LILRB4: variants seen among roughly 807,000 people sequenced by gnomAD.
LILRB4 encodes leukocyte immunoglobulin like receptor B4, also known as leukocyte immunoglobulin-like receptor subfamily B member 4.
LILRB4 carries 49 observed loss-of-function variants against 55.2 expected under a neutral mutation model. That is an observed-to-expected ratio of 0.89 (90% CI 0.71 to 1.13). The LOEUF (loss-of-function observed/expected upper bound fraction) is 1.13, where lower values mean the gene tolerates loss of function less well. Among genes scored for constraint, LILRB4 ranks in the 50% most tolerant of loss-of-function variants. The pLI is 0.00. For missense variants in LILRB4, 590 were observed against 555.2 expected, an observed-to-expected ratio of 1.06 and a Z score of -0.63; for synonymous variants, 229 against 213.8, an observed-to-expected ratio of 1.07 and a Z score of -0.62.
Position 54,666,616 on chromosome 19 carries a change from G to A in LILRB4, c.989-81G>A. 6.6e-7 allele frequency: 1 copy of A among 1,513,918 alleles called. No homozygotes were observed. The highest frequency in any genetic ancestry group is 9.1e-7 in the Non-Finnish European group (1 of 1,098,232). 93.8% of individuals were successfully genotyped at this position (1,513,918 alleles called of 1,614,324 possible). ...CTCCCTGCGTTGCAGTGGCACTAAT[G>A]GGAACAGGGCAGGGACCAGCAGGAA... On this transcript the variant is annotated intron_variant, in intron 9 of 11. Transcript: ENST00000430952. This position sits in a 1 kb window ranked among gnomAD's most constrained non-coding sequence, Gnocchi z 4.8.
rs2065219750 is a variant in LILRB4, at chr19:54,665,371, T to C, written c.757+191T>C. The stretch of plus-strand genomic sequence containing the variant: ...GTTCCTTTCAGCTCTGACTCCCAGC[T>C]GTGCCCTCCTGGGAGAGGAGGCCTC... On this transcript the variant is annotated intron_variant, in intron 6 of 11. Coordinates refer to ENST00000430952, the Ensembl canonical transcript of LILRB4. This position sits in a 1 kb window ranked among gnomAD's most constrained non-coding sequence, Gnocchi z 5.5. Among the ~76,000 whole-genome samples the C allele has an allele frequency of 6.6e-6, 1 of 152,068 alleles. No individual in the cohort carries two copies. Among genetic ancestry groups the C allele is most frequent in the African/African-American group, 2.4e-5 (1 of 41,394 alleles).
In LILRB4 at chr19:54,666,094, T is replaced by C; in HGVS notation, c.875-146T>C. 1 of 1,220,990 alleles carries C rather than the reference T, an allele frequency of 8.2e-7. No individual in the cohort carries two copies. The highest frequency in any genetic ancestry group is 1.2e-6 in the Non-Finnish European group (1 of 867,284). 75.6% of individuals were successfully genotyped at this position (1,220,990 alleles called of 1,614,324 possible). A position where few individuals can be genotyped will look rare whatever the true frequency, so the allele number is the denominator to read the frequency against. On this transcript the variant is annotated intron_variant, in intron 7 of 11. Transcript: ENST00000430952. This position sits in a 1 kb window ranked among gnomAD's most constrained non-coding sequence, Gnocchi z 4.8. ...ATGAATGAGGGAGTAATGGAAGTGCTTTATTCTTTCGGTTTTTCTAAACTT... is the reference window on the plus strand; with the variant it reads ...ATGAATGAGGGAGTAATGGAAGTGCCTTATTCTTTCGGTTTTTCTAAACTT...
At position 54,663,072 on chromosome 19, in the gene LILRB4, G is replaced by A. The variant is rs777134060; in HGVS notation, c.34+5G>A. The A allele has an allele frequency of 8.1e-6, 13 of 1,611,926 alleles. No homozygotes were observed. The East Asian group carries it at 2.9e-4, about 36-fold the overall frequency. Reference sequence around the variant, plus strand: ...TCACGGCTCTGCTCTGCCTCGGTGAGATTTAAAGAGGGGGAGGGGAGACCC... The same window carrying A: ...TCACGGCTCTGCTCTGCCTCGGTGAAATTTAAAGAGGGGGAGGGGAGACCC... On this transcript the variant is annotated splice_donor_5th_base_variant and intron_variant, in intron 1 of 11. Transcript: ENST00000430952.
Position 54,666,519 on chromosome 19 carries a change from C to A in LILRB4, c.988+83C>A. Reference sequence around the variant, plus strand: ...ATAGCAATGGGGGCAGGAGCACAGGCTAGGATTGGTCAGGGACTCAGGGAG... The same window carrying A: ...ATAGCAATGGGGGCAGGAGCACAGGATAGGATTGGTCAGGGACTCAGGGAG... On this transcript the variant is annotated intron_variant, in intron 9 of 11. Coordinates refer to ENST00000430952, the Ensembl canonical transcript of LILRB4. The surrounding 1 kb of genome is among the most constrained non-coding windows in gnomAD (Gnocchi z 4.8). 1 of 1,541,672 alleles carries A rather than the reference C, an allele frequency of 6.5e-7. No individual in the cohort carries two copies. The highest frequency in any genetic ancestry group is 8.9e-7 in the Non-Finnish European group (1 of 1,121,778).
chr19:54,663,479 G>C lies in LILRB4; in HGVS notation c.35-53G>C. Reference sequence around the variant, plus strand: ...AAAAAAAAAAATCTCAGGGTAAAGAGAGGACCTGCTCAGGCTTCCGGGGCA... The same window carrying C: ...AAAAAAAAAAATCTCAGGGTAAAGACAGGACCTGCTCAGGCTTCCGGGGCA... On this transcript the variant is annotated intron_variant, in intron 1 of 11. Coordinates refer to ENST00000430952, the Ensembl canonical transcript of LILRB4. 6.8e-6 allele frequency: 9 copies of C among 1,333,280 alleles called. No homozygotes were observed. In the South Asian group the frequency reaches 1.1e-4, roughly 16 times the overall value. The allele number at this position is 1,333,280 out of a possible 1,614,324, so 82.6% of individuals were successfully genotyped here. A position where few individuals can be genotyped will look rare whatever the true frequency, so the allele number is the denominator to read the frequency against.
At position 54,666,256 on chromosome 19, in the gene LILRB4, T is replaced by A; in HGVS notation, c.891T>A (p.Asp297Glu). ...TTCCCCCAGCCCAGAGACAGGCTGA[T>A]TTCCAACGTCCTCCAGGGGCTGCCG... Residue 297 changes from aspartate to glutamate, a missense_variant, in exon 8 of 12, where the codon GAT becomes GAA. Coordinates refer to ENST00000430952, the Ensembl canonical transcript of LILRB4. The surrounding 1 kb of genome is among the most constrained non-coding windows in gnomAD (Gnocchi z 4.8). The A allele has an allele frequency of 6.2e-7, 1 of 1,605,228 alleles. No individual in the cohort carries two copies. The highest frequency in any genetic ancestry group is 1.3e-5 in the African/African-American group (1 of 74,790).
Position 54,666,539 on chromosome 19 carries a change from A to C in LILRB4, c.988+103A>C. ...ACAGGCTAGGATTGGTCAGGGACTCAGGGAGAAGTGGTCTGAACCCACATT... is the reference window on the plus strand; with the variant it reads ...ACAGGCTAGGATTGGTCAGGGACTCCGGGAGAAGTGGTCTGAACCCACATT... On this transcript the variant is annotated intron_variant, in intron 9 of 11. Transcript: ENST00000430952. The surrounding 1 kb of genome is among the most constrained non-coding windows in gnomAD (Gnocchi z 4.8). 1 of 1,491,620 alleles carries C rather than the reference A, an allele frequency of 6.7e-7. No homozygotes were observed. Among genetic ancestry groups the C allele is most frequent in the Non-Finnish European group, 9.2e-7 (1 of 1,081,358 alleles). The allele number at this position is 1,491,620 out of a possible 1,614,324, so 92.4% of individuals were successfully genotyped here. A position where few individuals can be genotyped will look rare whatever the true frequency, so the allele number is the denominator to read the frequency against.
chr19:54,666,928 T>G lies in LILRB4; in HGVS notation c.1041+179T>G. The stretch of plus-strand genomic sequence containing the variant: ...TCTCTCCTGCTGTCCTGGGACCTCA[T>G]GGGCCTCCTCCCGGGTCCCCTTCCT... On this transcript the variant is annotated intron_variant, in intron 10 of 11. Coordinates refer to ENST00000430952, the Ensembl canonical transcript of LILRB4. The surrounding 1 kb of genome is among the most constrained non-coding windows in gnomAD (Gnocchi z 4.8). 1 of 768,148 alleles carries G rather than the reference T, an allele frequency of 1.3e-6. No individual in the cohort carries two copies. Among genetic ancestry groups the G allele is most frequent in the Admixed American group, 1.9e-5 (1 of 53,304 alleles). The allele number at this position is 768,148 out of a possible 1,614,324, so 47.6% of individuals were successfully genotyped here. A position where few individuals can be genotyped will look rare whatever the true frequency, so the allele number is the denominator to read the frequency against.
At chr19:54,664,095 C>A in intron 3 of LILRB4, 57 bp downstream of exon 3, 3 of 1,601,844 alleles carry the variant, frequency 1.9e-6, no homozygotes. Context: ...AGGGGGTCAG[C>A]TCTCAGGGGC....
chr19:54,665,903 C>T lies in LILRB4; in HGVS notation c.846C>T (p.His282=). 6.2e-7 allele frequency: 1 copy of T among 1,613,958 alleles called. No individual in the cohort carries two copies. The highest frequency in any genetic ancestry group is 8.5e-7 in the Non-Finnish European group (1 of 1,179,982). ...TCCTCCTCTTCCTCCTCCTCCAACA[C>T]TGGCGTCAGGGAAAACACAGGACAT... is the stretch of plus-strand genomic sequence containing the variant. The change falls in exon 7 of 12, where the codon CAC becomes CAT. Residue 282 remains histidine (H), a synonymous_variant. Coordinates refer to ENST00000430952, the Ensembl canonical transcript of LILRB4. The surrounding 1 kb of genome is among the most constrained non-coding windows in gnomAD (Gnocchi z 5.5).
Position 54,665,944 on chromosome 19 carries a change from T to A in LILRB4, c.874+13T>A. On this transcript the variant is annotated intron_variant, in intron 7 of 11. Coordinates refer to ENST00000430952, the Ensembl canonical transcript of LILRB4. This position sits in a 1 kb window ranked among gnomAD's most constrained non-coding sequence, Gnocchi z 5.5. ...CACAGGACATTGGGTAAGTAGGAAA[T>A]TGGGGGACCCGTGGGCTGATGGAGG... 6.2e-7 allele frequency: 1 copy of A among 1,613,588 alleles called. No individual in the cohort carries two copies.
intron 1 of LILRB4, 81 bp from the exon 2 acceptor site, chr19:54,663,443 CAAAAAAAA>C (rs61542200): frequency 2.4e-5 from 23 of 955,078 alleles, no homozygotes; most frequent in Middle Eastern, 3.7e-4. Context: ...GACTCCGTCT[CAAAAAAAA>C]AAAAAAAAAA....
chr19:54,663,584 C>T lies in LILRB4; in HGVS notation c.70+17C>T, dbSNP rs1422536930. On this transcript the variant is annotated intron_variant, in intron 2 of 11. Transcript: ENST00000430952. Reference sequence around the variant, plus strand: ...TGCAGGCAGGTGAGTCTGTCCCCAGCTGTCCCAGGTCCCTCCTCCTCACTG... The same window carrying T: ...TGCAGGCAGGTGAGTCTGTCCCCAGTTGTCCCAGGTCCCTCCTCCTCACTG... 6.2e-7 allele frequency: 1 copy of T among 1,613,262 alleles called. No individual in the cohort carries two copies. The highest frequency in any genetic ancestry group is 8.5e-7 in the Non-Finnish European group (1 of 1,179,990).
chr19:54,664,873 A>G, intron 5 of LILRB4, 24 bp downstream of exon 5: 1 of 1,608,552 alleles, frequency 6.2e-7, no homozygotes, highest in Non-Finnish European at 8.5e-7. Flanking sequence ...GCCTCTGTCC[A>G]GAGAGTTTCC....
exon 4 of LILRB4, chr19:54,664,427 C>A (rs758110982): frequency 1.2e-6 from 2 of 1,613,620 alleles, no homozygotes; most frequent in Non-Finnish European, 1.7e-6. Context: ...TCAGCTCACA[C>A]GGCTTCTCCC....
Position 54,666,239 on chromosome 19 carries a change from G to GC in LILRB4, c.877dup (p.Gln293ProfsTer5). ...CTGAGACTCTGTCCATCTTCCCCCAGCCCAGAGACAGGCTGATTTCCAACG... is the reference window on the plus strand; with the variant it reads ...CTGAGACTCTGTCCATCTTCCCCCAGCCCCAGAGACAGGCTGATTTCCAACG... On this transcript the variant is annotated frameshift_variant and splice_region_variant. Coordinates refer to ENST00000430952, the Ensembl canonical transcript of LILRB4. LOFTEE classifies it high-confidence loss of function. The surrounding 1 kb of genome is among the most constrained non-coding windows in gnomAD (Gnocchi z 4.8). 6.3e-7 allele frequency: 1 copy of GC among 1,596,288 alleles called. No homozygotes were observed. Among genetic ancestry groups the GC allele is most frequent in the East Asian group, 2.2e-5 (1 of 44,774 alleles).
exon 4 of LILRB4, chr19:54,664,437 C>T (rs369716631): frequency 1.2e-6 from 2 of 1,613,036 alleles, no homozygotes; most frequent in Non-Finnish European, 8.5e-7. Flanking sequence ...CGGCTTCTCC[C>T]ACTACCTGCT....
chr19:54,663,411 A>C, intron 1 of LILRB4, 121 bp from the exon 2 acceptor site: 2 of 1,365,972 alleles, frequency 1.5e-6, no homozygotes, highest in South Asian at 1.4e-5. Flanking sequence ...GCACCACCGC[A>C]CTCCAGCCTG....
chr19:54,663,485 C>T lies in LILRB4; in HGVS notation c.35-47C>T, dbSNP rs761160136. On this transcript the variant is annotated intron_variant, in intron 1 of 11. Transcript: ENST00000430952. ...AAAAATCTCAGGGTAAAGAGAGGACCTGCTCAGGCTTCCGGGGCAAATCCC... is the reference window on the plus strand; with the variant it reads ...AAAAATCTCAGGGTAAAGAGAGGACTTGCTCAGGCTTCCGGGGCAAATCCC... 8.7e-6 allele frequency: 13 copies of T among 1,488,742 alleles called. No individual in the cohort carries two copies. In the South Asian group the frequency reaches 1.0e-4, roughly 12 times the overall value. 92.2% of individuals were successfully genotyped at this position (1,488,742 alleles called of 1,614,324 possible).
Sources: gnomAD v4.1 joint callset for allele counts (sites outside exome capture counted in the v4.1 genomes callset) on GRCh38, gnomAD v4.1.1 for gene constraint, Gnocchi (gnomAD v3.1) non-coding constraint, MANE v1.5 for transcripts, NCBI Gene and HGNC (gene_info 2026-07-23, HGNC 2026-07-21) for gene names.